HIPK1: variants seen among roughly 807,000 people sequenced by gnomAD.
HIPK1 encodes the protein homeodomain interacting protein kinase 1.
Under a neutral mutation model 117.1 loss-of-function variants are expected in HIPK1, and 28 were observed. The observed-to-expected ratio is 0.24, with a 90% CI of 0.18 to 0.33. The LOEUF (loss-of-function observed/expected upper bound fraction) is 0.33, where lower values mean the gene tolerates loss of function less well. Ranked by LOEUF, HIPK1 falls within the 10% of genes least tolerant of loss-of-function variation. The pLI is 1.00. For missense variants in HIPK1, 1,122 were observed against 1,475.1 expected, an observed-to-expected ratio of 0.76 and a Z score of 3.92; for synonymous variants, 605 against 562.5, an observed-to-expected ratio of 1.08 and a Z score of -1.07.
Position 113,963,497 on chromosome 1 carries a change from G to A in HIPK1, c.2214G>A (p.Leu738=). 1.2e-6 allele frequency: 2 copies of A among 1,614,160 alleles called. No individual in the cohort carries two copies. Among genetic ancestry groups the A allele is most frequent in the African/African-American group, 1.3e-5 (1 of 75,052 alleles). The change falls in exon 10 of 16, where the codon CTG becomes CTA. Residue 738 remains leucine (L), a synonymous_variant. Transcript: ENST00000426820. ...GCTGCGCAGCCGGCCGGCCGGCGCT[G>A]GTTGAACAGACTGCCGCTGTACTGG... The part of the protein sequence containing the change: ...TLSCAAGRPA[L]VEQTAAVLQA...
chr1:113,936,707 C>T (rs1486583377), intron 1 of HIPK1, among the ~76,000 whole-genome samples: 1 of 152,198 alleles, frequency 6.6e-6, no homozygotes, highest in Non-Finnish European at 1.5e-5. Flanking sequence ...TCATGATCTG[C>T]CTGCCTTGGC....
At chr1:113,950,518 T>C (rs1388442219) in intron 2 of HIPK1, among the ~76,000 whole-genome samples, 1 of 152,226 alleles carries the variant, frequency 6.6e-6, no homozygotes, top group Non-Finnish European at 1.5e-5. Flanking sequence ...CCTTTTTCTT[T>C]TGTTGAGATG....
Position 113,940,614 on chromosome 1 carries a change from A to G in HIPK1, c.231A>G (p.Pro77=), listed in dbSNP as rs776071591. 2 of 1,614,158 alleles carry G rather than the reference A, an allele frequency of 1.2e-6. No homozygotes were observed. The highest frequency in any genetic ancestry group is 1.7e-6 in the Non-Finnish European group (2 of 1,180,034). ...CTTACGACCAGGGCCTCCTCCTCCC[A>G]GCTCCTGCAGTGGAGCATATTGTTG... The part of the protein sequence containing the change: ...IPAYDQGLLL[P]APAVEHIVVT... The change falls in exon 2 of 16, where the codon CCA becomes CCG. Residue 77 remains proline (P), a synonymous_variant. Coordinates refer to ENST00000426820, the MANE Select transcript of HIPK1 (RefSeq NM_198268.3).
At chr1:113,933,417 G>A (rs1490326899) in intron 1 of HIPK1, among the ~76,000 whole-genome samples, 4 of 152,164 alleles carry the variant, frequency 2.6e-5, no homozygotes, top group African/African-American at 4.8e-5. Flanking sequence ...GCAAGTAATC[G>A]TGGTCCAGAT....
chr1:113,936,102 T>C (rs1450838987), intron 1 of HIPK1, among the ~76,000 whole-genome samples: 1 of 152,180 alleles, frequency 6.6e-6, no homozygotes, highest in Non-Finnish European at 1.5e-5. Context: ...TTCTAGGCCA[T>C]TGTGATTCTG....
At position 113,948,520 on chromosome 1, in the gene HIPK1, T is replaced by G. The variant is rs909961305; in HGVS notation, c.1077-4246T>G. Among the ~76,000 whole-genome samples the G allele has an allele frequency of 3.2e-4, 48 of 152,044 alleles. 1 individual carries two copies. Among genetic ancestry groups the G allele is most frequent in the Non-Finnish European group, 1.0e-4 (7 of 67,996 alleles). On this transcript the variant is annotated intron_variant, in intron 2 of 15. Transcript: ENST00000426820. ...CTCCTGCCTTGGCTTCCCAAAGTGCTGGGATTATAGGTGTGAACCGCCGTT... is the reference window on the plus strand; with the variant it reads ...CTCCTGCCTTGGCTTCCCAAAGTGCGGGGATTATAGGTGTGAACCGCCGTT...
rs1268430620 is a variant in HIPK1, at chr1:113,954,841, T to G, written c.1320+71T>G. 19 of 1,360,674 alleles carry G rather than the reference T, an allele frequency of 1.4e-5. No individual in the cohort carries two copies. In the African/African-American group the frequency reaches 2.8e-4, roughly 20 times the overall value. The allele number at this position is 1,360,674 out of a possible 1,614,324, so 84.3% of individuals were successfully genotyped here. On this transcript the variant is annotated intron_variant, in intron 4 of 15. Coordinates refer to ENST00000426820, the MANE Select transcript of HIPK1 (RefSeq NM_198268.3). ...ACTCCCCAATTTTGAATTCAAAGTTTAGTTATTAAATTCTTCAGGTAGAGA... is the reference window on the plus strand; with the variant it reads ...ACTCCCCAATTTTGAATTCAAAGTTGAGTTATTAAATTCTTCAGGTAGAGA...
intron 1 of HIPK1, among the ~76,000 whole-genome samples, chr1:113,938,953 C>CACACACAG (rs1319910987): frequency 1.3e-4 from 17 of 134,816 alleles, no homozygotes; most frequent in Non-Finnish European, 2.4e-4. Flanking sequence ...CACACACACA[C>CACACACAG]ACACACACAC....
At chr1:113,972,055 C>T (rs780739203) in intron 15 of HIPK1, 101 bp downstream of exon 15, 3 of 1,612,828 alleles carry the variant, frequency 1.9e-6, no homozygotes, top group South Asian at 2.2e-5. Context: ...CCAAATGAAG[C>T]CCCTTTTGTG....
At chr1:113,944,933 G>T (rs570496224) in intron 2 of HIPK1, among the ~76,000 whole-genome samples, 60 of 152,224 alleles carry the variant, frequency 3.9e-4, no homozygotes, top group African/African-American at 1.4e-3. Flanking sequence ...CTGCAGCCAT[G>T]ACCTCTCAGG....
chr1:113,952,608 C>T (rs1347992624), intron 2 of HIPK1, among the ~76,000 whole-genome samples, 158 bp from the exon 3 acceptor site: 1 of 152,110 alleles, frequency 6.6e-6, no homozygotes, highest in Non-Finnish European at 1.5e-5. Context: ...CACATCTGGC[C>T]CTGAGCTTCA....
intron 6 of HIPK1, 116 bp downstream of exon 6, chr1:113,956,927 G>A: frequency 9.6e-7 from 1 of 1,038,920 alleles, no homozygotes; most frequent in Non-Finnish European, 1.4e-6. Flanking sequence ...TGGCTCAGCA[G>A]TGCTTTTCTT....
Position 113,976,099 on chromosome 1 carries a change from A to G in HIPK1, c.*2587A>G, listed in dbSNP as rs996350197. The G allele has an allele frequency of 2.6e-5, 4 of 152,736 alleles. No homozygotes were observed. The highest frequency in any genetic ancestry group is 9.7e-5 in the African/African-American group (4 of 41,430). 9.5% of individuals were successfully genotyped at this position (152,736 alleles called of 1,614,324 possible). A position where few individuals can be genotyped will look rare whatever the true frequency, so the allele number is the denominator to read the frequency against. On this transcript the variant is annotated 3_prime_UTR_variant, in exon 16 of 16. Coordinates refer to ENST00000426820, the MANE Select transcript of HIPK1 (RefSeq NM_198268.3). ...CAGGTTGAACACCGAGGAGCTGTCAAAGTATTTGGAGTTTCTTCATTGTAA... is the reference window on the plus strand; with the variant it reads ...CAGGTTGAACACCGAGGAGCTGTCAGAGTATTTGGAGTTTCTTCATTGTAA...
At chr1:113,932,098 C>A (rs1669933002) in intron 1 of HIPK1, 1 of 152,090 alleles carries the variant, frequency 6.6e-6, no homozygotes, top group Non-Finnish European at 1.5e-5. Flanking sequence ...GAACCCAGCT[C>A]CTAAATGCCT....
In HIPK1 at chr1:113,941,346, C is replaced by T; in HGVS notation, c.963C>T (p.Ile321=). ...ACGCTGACCTTAAGCCTGAAAACATCATGCTGGTTGATCCAGTTCGCCAGC... is the reference window on the plus strand; with the variant it reads ...ACGCTGACCTTAAGCCTGAAAACATTATGCTGGTTGATCCAGTTCGCCAGC... ...LIHADLKPEN[I]MLVDPVRQPY... is the part of the protein sequence containing the mutation. Residue 321 remains isoleucine, a synonymous_variant, in exon 2 of 16, where the codon ATC becomes ATT. Coordinates refer to ENST00000426820, the MANE Select transcript of HIPK1 (RefSeq NM_198268.3). This position sits in a 1 kb window ranked among gnomAD's most constrained non-coding sequence, Gnocchi z 4.9. 1 of 1,614,238 alleles carries T rather than the reference C, an allele frequency of 6.2e-7. No individual in the cohort carries two copies. The highest frequency in any genetic ancestry group is 8.5e-7 in the Non-Finnish European group (1 of 1,180,042).
At position 113,973,255 on chromosome 1, in the gene HIPK1, A is replaced by C. The variant is rs913617457; in HGVS notation, c.3376A>C (p.Thr1126Pro). 3 of 1,614,128 alleles carry C rather than the reference A, an allele frequency of 1.9e-6. No individual in the cohort carries two copies. In the South Asian group the frequency reaches 3.3e-5, roughly 18 times the overall value. ...APTSAAALGS[T>P]SSIAHLFSPQ... is the part of the protein sequence containing the mutation. The stretch of plus-strand genomic sequence containing the variant: ...GACTTCTGCTGCTGCACTGGGCTCA[A>C]CCAGCTCCATTGCTCATCTTTTCTC... The change falls in exon 16 of 16, where the codon ACC becomes CCC. Residue 1126 changes from threonine to proline, a missense_variant. Thr to Pro is a conservative substitution (Grantham distance 38). Transcript: ENST00000426820.
At chr1:113,972,946 C>T (rs904581690) in intron 15 of HIPK1, 78 bp from the exon 16 acceptor site, 1 of 1,461,568 alleles carries the variant, frequency 6.8e-7, no homozygotes, top group African/African-American at 1.4e-5. Flanking sequence ...AAGTCAGAAC[C>T]TGAGCTCTTA....
At chr1:113,945,258 T>C (rs540435424) in intron 2 of HIPK1, among the ~76,000 whole-genome samples, 1 of 152,332 alleles carries the variant, frequency 6.6e-6, no homozygotes, top group Admixed American at 6.5e-5. Flanking sequence ...TTGTATACTC[T>C]ATATACTTAA....
Position 113,971,765 on chromosome 1 carries a change from C to T in HIPK1, c.3014-59C>T, listed in dbSNP as rs552600935. On this transcript the variant is annotated intron_variant, in intron 14 of 15. Coordinates refer to ENST00000426820, the MANE Select transcript of HIPK1 (RefSeq NM_198268.3). Reference sequence around the variant, plus strand: ...CAGATGTGGACTAATTAATATGATGCCATCTGAGGTTAGCTCAGTGATGTC... The same window carrying T: ...CAGATGTGGACTAATTAATATGATGTCATCTGAGGTTAGCTCAGTGATGTC... 8 of 1,526,610 alleles carry T rather than the reference C, an allele frequency of 5.2e-6. No individual in the cohort carries two copies. In the African/African-American group the frequency reaches 1.1e-4, roughly 21 times the overall value. 94.6% of individuals were successfully genotyped at this position (1,526,610 alleles called of 1,614,324 possible).
Sources: allele counts gnomAD v4.1 joint callset (sites outside exome capture counted in the v4.1 genomes callset), GRCh38; gene constraint gnomAD v4.1.1; non-coding constraint Gnocchi (gnomAD v3.1); transcripts MANE v1.5; gene names NCBI Gene and HGNC (gene_info 2026-07-23, HGNC 2026-07-21).